Variants in EPG5 observed in about 807,000 individuals in gnomAD.
The protein encoded by EPG5 is ectopic P granules protein 5 homolog.
Under a neutral mutation model 302.7 loss-of-function variants are expected in EPG5, and 159 were observed. The observed-to-expected ratio is 0.53, with a 90% CI of 0.46 to 0.60. EPG5 has a LOEUF of 0.60. Ranked by LOEUF, EPG5 falls within the 20% of genes least tolerant of loss-of-function variation. EPG5 has a pLI of 0.00. For synonymous variants in EPG5, 1,158 were observed against 1,136.8 expected (o/e 1.02, Z -0.37); for missense variants, 2,896 against 3,092.4 (o/e 0.94, Z 1.51).
chr18:45,888,003 T>C, intron 28 of EPG5, 96 bp from the exon 29 acceptor site: 1 of 975,236 alleles, frequency 1.0e-6, no homozygotes, highest in Non-Finnish European at 1.4e-6. Flanking sequence ...GGCAATATTC[T>C]TAAGAATCCT....
downstream of EPG5, chr18:45,843,476 G>C (rs2048342152): frequency 6.6e-6 from 1 of 152,280 alleles, no homozygotes; most frequent in South Asian, 2.1e-4. Context: ...CCAAAAGACA[G>C]GCAATGACAA....
chr18:45,905,089 T>C (rs2049715365), intron 24 of EPG5, among the ~76,000 whole-genome samples: 1 of 151,950 alleles, frequency 6.6e-6, no homozygotes, highest in South Asian at 2.1e-4. Flanking sequence ...ACAATAAATA[T>C]AGTAGCTCTA....
At chr18:45,913,359 C>T (rs1343975119) in intron 21 of EPG5, among the ~76,000 whole-genome samples, 1 of 152,128 alleles carries the variant, frequency 6.6e-6, no homozygotes, top group Non-Finnish European at 1.5e-5. Flanking sequence ...AAAATAACCT[C>T]CTTGTCCCAC....
chr18:45,927,921 C>T (rs929077658), intron 13 of EPG5, among the ~76,000 whole-genome samples: 2 of 152,142 alleles, frequency 1.3e-5, no homozygotes, highest in South Asian at 4.2e-4. Context: ...GGGCCAGGCA[C>T]GGTGGCTCAT....
the EPG5 span, among the ~76,000 whole-genome samples, chr18:45,825,167 GGAGGGAGGAAGA>G: frequency 7.9e-6 from 1 of 127,222 alleles, no homozygotes; most frequent in Non-Finnish European, 1.7e-5. Context: ...AGGGAGGGAG[GGAGGGAGGAAGA>G]GAGGGAGGGA....
At chr18:45,873,912 G>A (rs1568110370) in intron 35 of EPG5, among the ~76,000 whole-genome samples, 1 of 152,222 alleles carries the variant, frequency 6.6e-6, no homozygotes, top group Non-Finnish European at 1.5e-5. Flanking sequence ...ATTACTAAGT[G>A]AAAGAAGTTA....
At position 45,954,778 on chromosome 18, in the gene EPG5, C is replaced by A. The variant is rs538841155; in HGVS notation, c.624G>T (p.Gln208His). The A allele has an allele frequency of 3.7e-6, 6 of 1,613,754 alleles. No homozygotes were observed. Among genetic ancestry groups the A allele is most frequent in the Middle Eastern group, 1.6e-4 (1 of 6,080 alleles). Residue 208 changes from glutamine to histidine, a missense_variant, in exon 2 of 44, where the codon CAG (glutamine) becomes CAT (histidine). Coordinates refer to ENST00000282041, the MANE Select transcript of EPG5 (RefSeq NM_020964.3). Reference sequence around the variant, plus strand: ...GATACAGTTTCTTCACTCTAGGTGTCTGAAAACCATGTTTGGCTGGGCAAG... The same window carrying A: ...GATACAGTTTCTTCACTCTAGGTGTATGAAAACCATGTTTGGCTGGGCAAG... ...QSSCPAKHGFQTPRVKKLYPQ... is the reference protein window; with the variant it reads ...QSSCPAKHGFHTPRVKKLYPQ...
chr18:45,837,915 G>C, the EPG5 span: 87 of 1,475,078 alleles, frequency 5.9e-5, no homozygotes, highest in Non-Finnish European at 6.9e-5. Context: ...GCGTGGGAGC[G>C]GGTCCCCGGC....
chr18:45,914,620 T>C (rs926252609), intron 20 of EPG5, among the ~76,000 whole-genome samples: 1 of 152,182 alleles, frequency 6.6e-6, no homozygotes, highest in Non-Finnish European at 1.5e-5. Context: ...CATTTGACAA[T>C]TGAGAAAACT....
intron 1 of EPG5, among the ~76,000 whole-genome samples, chr18:45,956,205 A>G (rs2051026816): frequency 6.6e-6 from 1 of 152,220 alleles, no homozygotes; most frequent in Non-Finnish European, 1.5e-5. Flanking sequence ...GAGTAACCTC[A>G]ATCTAATCAT....
At chr18:45,830,537 A>G in the EPG5 span, among the ~76,000 whole-genome samples, 8 of 151,876 alleles carry the variant, frequency 5.3e-5, no homozygotes, top group African/African-American at 1.9e-4. Context: ...CAGTTTTCTG[A>G]ATACCTAAAA....
rs149881715 is a variant in EPG5 at position 45,947,506 on chromosome 18, C to T, written c.1572-738G>A. Reference sequence around the variant, plus strand: ...TTGTGAGTCAAATCATTATCTACCACGTGCAGGAGCAGGCCCTTGTATCCA... The same window carrying T: ...TTGTGAGTCAAATCATTATCTACCATGTGCAGGAGCAGGCCCTTGTATCCA... On this transcript the variant is annotated intron_variant, in intron 6 of 43. Transcript: ENST00000282041. 3.4e-3 allele frequency among the ~76,000 whole-genome samples: 520 copies of T among 152,302 alleles called. 3 individuals are homozygous for T. The highest frequency in any genetic ancestry group is 0.012 in the African/African-American group (496 of 41,576).
intron 26 of EPG5, among the ~76,000 whole-genome samples, chr18:45,899,791 G>A (rs545758338): frequency 2.6e-5 from 4 of 152,244 alleles, no homozygotes; most frequent in Non-Finnish European, 5.9e-5. Context: ...AGAGAAGTGA[G>A]ACAACTTGAT....
intron 39 of EPG5, among the ~76,000 whole-genome samples, chr18:45,863,415 G>C (rs888128106): frequency 5.3e-5 from 8 of 152,000 alleles, no homozygotes; most frequent in African/African-American, 1.9e-4. Context: ...CTTGGAAATT[G>C]TACATTTTAA....
chr18:45,812,506 T>C, the EPG5 span, among the ~76,000 whole-genome samples: 2 of 152,146 alleles, frequency 1.3e-5, no homozygotes, highest in Non-Finnish European at 2.9e-5. Flanking sequence ...TCACACTACC[T>C]GACTTCAAAC....
At chr18:45,817,607 T>C in the EPG5 span, among the ~76,000 whole-genome samples, 1 of 152,226 alleles carries the variant, frequency 6.6e-6, no homozygotes, top group Non-Finnish European at 1.5e-5. Context: ...CCAAGTTGTT[T>C]TATTCATCTG....
chr18:45,810,008 C>T, the EPG5 span, among the ~76,000 whole-genome samples: 30 of 152,044 alleles, frequency 2.0e-4, no homozygotes, highest in East Asian at 2.1e-3. Context: ...TCCAAATAAG[C>T]TCAATAAGAA....
Position 45,930,848 on chromosome 18 carries a change from G to A in EPG5, c.2258-18C>T, listed in dbSNP as rs1409738297. On this transcript the variant is annotated intron_variant, in intron 11 of 43. Transcript: ENST00000282041. The stretch of plus-strand genomic sequence containing the variant: ...TTCTGGGTCTGCAAGTTCATATCAA[G>A]AAAATTAGAGTGGGGAAAGAATAAA... The A allele has an allele frequency of 6.4e-7, 1 of 1,568,216 alleles. No individual in the cohort carries two copies. Among genetic ancestry groups the A allele is most frequent in the South Asian group, 1.2e-5 (1 of 82,628 alleles).
chr18:45,913,567 T>A, intron 21 of EPG5, 139 bp downstream of exon 21: 1 of 1,018,254 alleles, frequency 9.8e-7, no homozygotes, highest in South Asian at 1.6e-5. Flanking sequence ...TACACAGTTT[T>A]AAGTATTGGT....
Sources: gnomAD v4.1 joint callset for allele counts (sites outside exome capture counted in the v4.1 genomes callset) on GRCh38, gnomAD v4.1.1 for gene constraint, MANE v1.5 for transcripts, NCBI Gene and HGNC (gene_info 2026-07-23, HGNC 2026-07-21) for gene names.